GLB1: variants seen among roughly 807,000 people sequenced by gnomAD.
The protein encoded by GLB1 is beta-galactosidase.
In GLB1, 56 loss-of-function variants were observed where a neutral mutation model predicts 74.0. The observed-to-expected ratio is 0.76, with a 90% CI of 0.61 to 0.94. GLB1 has a LOEUF of 0.94. Ranked by LOEUF, GLB1 falls within the 40% of genes least tolerant of loss-of-function variation. GLB1 has a pLI of 0.00. For missense variants in GLB1, 787 were observed against 845.5 expected, an observed-to-expected ratio of 0.93 and a Z score of 0.86; for synonymous variants, 323 against 323.6, an observed-to-expected ratio of 1.00 and a Z score of 0.02.
At chr3:32,978,053 A>G in the GLB1 span, among the ~76,000 whole-genome samples, 1 of 152,234 alleles carries the variant, frequency 6.6e-6, no homozygotes, top group Non-Finnish European at 1.5e-5. Flanking sequence ...GGGACTATAC[A>G]CCGCAGAAGG....
At chr3:33,017,807 A>C (rs1280810769) in intron 13 of GLB1, among the ~76,000 whole-genome samples, 1 of 152,228 alleles carries the variant, frequency 6.6e-6, no homozygotes, top group African/African-American at 2.4e-5. Context: ...TAAGGAGCAA[A>C]GAAAGCACAG....
In GLB1 at chr3:33,093,725, C is replaced by A. The variant is rs1482413978; in HGVS notation, c.75+3286G>T. On this transcript the variant is annotated intron_variant, in intron 1 of 15. Transcript: ENST00000307363. The surrounding 1 kb of genome is among the most constrained non-coding windows in gnomAD (Gnocchi z 6.0). ...GCCTGAGCACGAGCTTCCTTGTCTTCTCAAGGCTGCCCACGACCCTACCAC... is the reference window on the plus strand; with the variant it reads ...GCCTGAGCACGAGCTTCCTTGTCTTATCAAGGCTGCCCACGACCCTACCAC... 1 of 1,614,064 alleles carries A rather than the reference C, an allele frequency of 6.2e-7. No homozygotes were observed. Among genetic ancestry groups the A allele is most frequent in the Admixed American group, 1.7e-5 (1 of 60,010 alleles).
At chr3:32,996,459 T>C (rs1039593510), downstream of GLB1, 10 of 160,348 alleles carry the variant, frequency 6.2e-5, no homozygotes, top group African/African-American at 2.4e-4. Context: ...TATGCTTCTA[T>C]ATAGATATAC....
At chr3:33,034,468 G>A in intron 10 of GLB1, 2 of 730,144 alleles carry the variant, frequency 2.7e-6, no homozygotes, top group South Asian at 1.5e-5. Context: ...GCAGAAGCTG[G>A]AAGCACAGTG....
intron 7 of GLB1, among the ~76,000 whole-genome samples, chr3:33,052,948 C>T (rs1207924229): frequency 3.3e-5 from 5 of 152,218 alleles, no homozygotes; most frequent in Admixed American, 3.3e-4. Context: ...CAGGCTTGTA[C>T]ACAGGTGGGG....
Position 33,093,987 on chromosome 3 carries a change from T to G in GLB1, c.75+3024A>C, listed in dbSNP as rs748823169. ...CTCTGCAGCTGGGGAGTGGCAGAGG[T>G]TGCTCACTGTGCTGCGCCAAATGTA... On this transcript the variant is annotated intron_variant, in intron 1 of 15. Coordinates refer to ENST00000307363, the MANE Select transcript of GLB1 (RefSeq NM_000404.4). This position sits in a 1 kb window ranked among gnomAD's most constrained non-coding sequence, Gnocchi z 6.0. The G allele has an allele frequency of 1.2e-6, 2 of 1,614,028 alleles. No homozygotes were observed. The highest frequency in any genetic ancestry group is 1.7e-6 in the Non-Finnish European group (2 of 1,179,984).
intron 10 of GLB1, among the ~76,000 whole-genome samples, chr3:33,044,646 G>A (rs1698668710): frequency 6.6e-6 from 1 of 151,864 alleles, no homozygotes; most frequent in Non-Finnish European, 1.5e-5. Flanking sequence ...TAGATGAAAT[G>A]GACAAATTAT....
At chr3:33,077,002 T>C in intron 1 of GLB1, 7 of 1,197,762 alleles carry the variant, frequency 5.8e-6, no homozygotes, top group Non-Finnish European at 7.5e-6. Context: ...GGCAGGAGAA[T>C]TGCTAGAGCC....
chr3:32,979,888 G>A, the GLB1 span, among the ~76,000 whole-genome samples: 1 of 147,548 alleles, frequency 6.8e-6, no homozygotes, highest in Non-Finnish European at 1.5e-5. Flanking sequence ...AGAAAAGGAA[G>A]CTTTTAAGAG....
At chr3:32,982,700 A>G in the GLB1 span, among the ~76,000 whole-genome samples, 1 of 152,158 alleles carries the variant, frequency 6.6e-6, no homozygotes, top group African/African-American at 2.4e-5. Flanking sequence ...ATTTATACAC[A>G]GGTTTACCAC....
intron 1 of GLB1, among the ~76,000 whole-genome samples, chr3:33,088,435 T>C (rs1422024649): frequency 6.7e-6 from 1 of 149,278 alleles, no homozygotes; most frequent in African/African-American, 2.5e-5. Flanking sequence ...AATAAATGAA[T>C]TCAGCAAAGT....
intron 1 of GLB1, among the ~76,000 whole-genome samples, 160 bp from the exon 2 acceptor site, chr3:33,072,873 C>T (rs1699936704): frequency 6.6e-6 from 1 of 152,122 alleles, no homozygotes; most frequent in South Asian, 2.1e-4. Flanking sequence ...CATTGCTAAG[C>T]CAGGTCCACC....
In GLB1 at chr3:33,034,610, T is replaced by C; in HGVS notation, c.1069-10285A>G. ...CTTGGGAAATATATGGTCTCCCAAA[T>C]TGCTGCACAAGTTCAATGATGTCAT... is the stretch of plus-strand genomic sequence containing the variant. On this transcript the variant is annotated intron_variant, in intron 10 of 15. Transcript: ENST00000307363. 3 of 721,456 alleles carry C rather than the reference T, an allele frequency of 4.2e-6. No homozygotes were observed. In the South Asian group the frequency reaches 4.4e-5, roughly 11 times the overall value. The allele number at this position is 721,456 out of a possible 1,614,324, so 44.7% of individuals were successfully genotyped here.
chr3:33,070,475 C>A (rs991813484), intron 2 of GLB1, among the ~76,000 whole-genome samples: 2 of 152,162 alleles, frequency 1.3e-5, no homozygotes, highest in African/African-American at 4.8e-5. Context: ...GCTAGTCAGA[C>A]TTCATGGGGA....
chr3:32,964,061 T>C, the GLB1 span, among the ~76,000 whole-genome samples: 6 of 152,070 alleles, frequency 3.9e-5, no homozygotes, highest in Middle Eastern at 3.4e-3. Flanking sequence ...AATAACTGAG[T>C]TTATGGTATG....
At chr3:32,967,816 C>A in the GLB1 span, among the ~76,000 whole-genome samples, 1 of 152,242 alleles carries the variant, frequency 6.6e-6, no homozygotes, top group East Asian at 1.9e-4. Flanking sequence ...GGATGGAAAC[C>A]AGCTCTCCCT....
chr3:33,027,304 C>T (rs1267946475), intron 10 of GLB1, among the ~76,000 whole-genome samples: 6 of 152,264 alleles, frequency 3.9e-5, no homozygotes, highest in African/African-American at 2.4e-5. Flanking sequence ...CGTGTCTGAC[C>T]GTGCACAGTG....
chr3:32,992,085 G>A (rs931725371), downstream of GLB1, among the ~76,000 whole-genome samples: 1 of 152,242 alleles, frequency 6.6e-6, no homozygotes, highest in Non-Finnish European at 1.5e-5. Context: ...TCAGAGCACT[G>A]AAGAAGTCCA....
intron 10 of GLB1, among the ~76,000 whole-genome samples, chr3:33,042,548 T>G (rs1166814709): frequency 2.6e-5 from 4 of 152,062 alleles, no homozygotes; most frequent in African/African-American, 9.7e-5. Context: ...TTTGTCTTTT[T>G]AGTAGAGACG....
Sources: gnomAD v4.1 joint callset for allele counts (sites outside exome capture counted in the v4.1 genomes callset) on GRCh38, gnomAD v4.1.1 for gene constraint, Gnocchi (gnomAD v3.1) non-coding constraint, MANE v1.5 for transcripts, NCBI Gene and HGNC (gene_info 2026-07-23, HGNC 2026-07-21) for gene names.